BRINP3: variants seen among roughly 807,000 people sequenced by gnomAD.
The protein encoded by BRINP3 is BMP/retinoic acid inducible neural specific 3.
BRINP3 carries 19 observed loss-of-function variants against 71.0 expected under a neutral mutation model. That is an observed-to-expected ratio of 0.27 (90% CI 0.19 to 0.39). BRINP3 has a LOEUF of 0.39. BRINP3 is among the 10% of genes least tolerant of loss of function. The pLI is 1.00. For missense variants in BRINP3, 959 were observed against 940.8 expected, an observed-to-expected ratio of 1.02 and a Z score of -0.25; for synonymous variants, 380 against 337.7, an observed-to-expected ratio of 1.13 and a Z score of -1.37.
At chr1:190,440,963 T>C (rs1182076984) in intron 2 of BRINP3, among the ~76,000 whole-genome samples, 1 of 151,962 alleles carries the variant, frequency 6.6e-6, no homozygotes, top group African/African-American at 2.4e-5. Context: ...CTAGATTGTA[T>C]TTTTATAGGC....
intron 2 of BRINP3, among the ~76,000 whole-genome samples, chr1:190,418,392 T>TTGTG (rs1459890691): frequency 6.6e-6 from 1 of 152,156 alleles, no homozygotes. Context: ...AATGTCACAT[T>TTGTG]ACGTTTGTGA....
At chr1:190,440,382 C>T (rs996400354) in intron 2 of BRINP3, among the ~76,000 whole-genome samples, 1 of 151,894 alleles carries the variant, frequency 6.6e-6, no homozygotes. Context: ...ATACTCAAAA[C>T]AATTTAAGTA....
intron 2 of BRINP3, among the ~76,000 whole-genome samples, chr1:190,379,300 T>C (rs1670370939): frequency 6.6e-6 from 1 of 152,210 alleles, no homozygotes; most frequent in Admixed American, 6.5e-5. Context: ...GTAATGAATA[T>C]TGCTGTATAA....
chr1:190,144,881 C>T (rs1261597356), intron 7 of BRINP3, among the ~76,000 whole-genome samples: 1 of 152,140 alleles, frequency 6.6e-6, no homozygotes, highest in Non-Finnish European at 1.5e-5. Flanking sequence ...GAACATGCTG[C>T]TGTTCAGTCG....
rs142863003 is a variant in BRINP3, at chr1:190,101,842, G to C, written c.1185-2708C>G. Among the ~76,000 whole-genome samples, 407 of 152,246 alleles carry C rather than the reference G, an allele frequency of 2.7e-3. 2 individuals are homozygous for C. The highest frequency in any genetic ancestry group is 9.5e-3 in the African/African-American group (393 of 41,558). ...GAGCTCACAAAAGTAGGGCACTGTA[G>C]AAAGAATCATTTGGACACTTTAGAA... On this transcript the variant is annotated intron_variant, in intron 7 of 7. Transcript: ENST00000367462.
At chr1:190,188,568 T>A (rs1423233810) in intron 6 of BRINP3, among the ~76,000 whole-genome samples, 1 of 152,124 alleles carries the variant, frequency 6.6e-6, no homozygotes, top group East Asian at 1.9e-4. Flanking sequence ...TGAGAGAAGA[T>A]GTGAAATTTG....
chr1:190,234,250 T>G, intron 5 of BRINP3, 122 bp downstream of exon 5: 1 of 510,220 alleles, frequency 2.0e-6, no homozygotes, highest in East Asian at 3.2e-5. Context: ...AAATTAGCCT[T>G]TAATGAGAGT....
At chr1:190,321,793 T>C (rs573098270) in intron 2 of BRINP3, among the ~76,000 whole-genome samples, 43 of 152,178 alleles carry the variant, frequency 2.8e-4, no homozygotes, top group African/African-American at 1.0e-3. Context: ...ACAGGTAATA[T>C]TTAAATATAG....
intron 3 of BRINP3, among the ~76,000 whole-genome samples, chr1:190,267,325 A>C (rs944573165): frequency 1.3e-5 from 2 of 152,112 alleles, no homozygotes; most frequent in Non-Finnish European, 2.9e-5. Context: ...AAAAAACCTA[A>C]AAGTTAACAG....
In BRINP3 at chr1:190,097,698, A is replaced by G; in HGVS notation, c.*320T>C. ...TGTTCAGCTACAAAATTTTATTGGT[A>G]TCTTTTTATGTTCCCTCTAGAGGAT... On this transcript the variant is annotated 3_prime_UTR_variant, in exon 8 of 8. Coordinates refer to ENST00000367462, the MANE Select transcript of BRINP3 (RefSeq NM_199051.3). 1 of 200,772 alleles carries G rather than the reference A, an allele frequency of 5.0e-6. No homozygotes were observed. The highest frequency in any genetic ancestry group is 1.0e-5 in the Non-Finnish European group (1 of 100,100). 12.4% of individuals were successfully genotyped at this position (200,772 alleles called of 1,614,324 possible). A position where few individuals can be genotyped will look rare whatever the true frequency, so the allele number is the denominator to read the frequency against.
At chr1:190,284,619 G>A (rs1443016284) in intron 2 of BRINP3, among the ~76,000 whole-genome samples, 1 of 151,932 alleles carries the variant, frequency 6.6e-6, no homozygotes, top group Non-Finnish European at 1.5e-5. Context: ...AGGCTTCCTG[G>A]ACAACTTTCC....
intron 4 of BRINP3, among the ~76,000 whole-genome samples, chr1:190,264,223 A>C (rs901153456): frequency 1.3e-5 from 2 of 152,044 alleles, no homozygotes; most frequent in South Asian, 4.1e-4. Context: ...TCTTTTGAAA[A>C]TCAGAACTAA....
At chr1:190,418,800 T>C (rs989155329) in intron 2 of BRINP3, among the ~76,000 whole-genome samples, 3 of 152,118 alleles carry the variant, frequency 2.0e-5, no homozygotes, top group African/African-American at 7.2e-5. Context: ...CTCCTCATAC[T>C]CTGGCTTCAT....
intron 7 of BRINP3, among the ~76,000 whole-genome samples, chr1:190,142,399 G>A (rs976566331): frequency 1.3e-5 from 2 of 152,146 alleles, no homozygotes; most frequent in Non-Finnish European, 2.9e-5. Flanking sequence ...AAACTGCTAA[G>A]GATTTGGATA....
chr1:190,230,217 G>A (rs1384743782), intron 5 of BRINP3, among the ~76,000 whole-genome samples: 1 of 151,806 alleles, frequency 6.6e-6, no homozygotes. Flanking sequence ...AACACAGAAT[G>A]AGAGGAAAGA....
At chr1:190,457,441 C>A (rs1676072221) in intron 1 of BRINP3, among the ~76,000 whole-genome samples, 2 of 116,484 alleles carry the variant, frequency 1.7e-5, no homozygotes, top group Admixed American at 1.7e-4. Flanking sequence ...GAGGCTCTGT[C>A]TCAAAAAAAC....
chr1:190,273,109 GTTGT>G (rs2102904560), intron 3 of BRINP3, among the ~76,000 whole-genome samples: 1 of 149,940 alleles, frequency 6.7e-6, no homozygotes, highest in Non-Finnish European at 1.5e-5. Flanking sequence ...CTTCTTCACA[GTTGT>G]TTGAGAATTT....
At chr1:190,346,546 G>A (rs1012015645) in intron 2 of BRINP3, among the ~76,000 whole-genome samples, 1 of 152,058 alleles carries the variant, frequency 6.6e-6, no homozygotes, top group Non-Finnish European at 1.5e-5. Flanking sequence ...GCCAAAGGAT[G>A]TGCATTTCTT....
chr1:190,313,637 G>A (rs1571719778), intron 2 of BRINP3, among the ~76,000 whole-genome samples: 1 of 151,934 alleles, frequency 6.6e-6, no homozygotes, highest in Admixed American at 6.6e-5. Context: ...ATCTCAATAA[G>A]TTCTGGGCAC....
Sources: allele counts gnomAD v4.1 joint callset (sites outside exome capture counted in the v4.1 genomes callset), GRCh38; gene constraint gnomAD v4.1.1; transcripts MANE v1.5; gene names NCBI Gene and HGNC (gene_info 2026-07-23, HGNC 2026-07-21).